Variants in AFF2 observed in about 807,000 individuals in gnomAD.
AFF2 encodes the protein ALF transcription elongation factor 2, also known as AF4/FMR2 family member 2.
Under a neutral mutation model 76.9 loss-of-function variants are expected in AFF2, and 14 were observed. The observed-to-expected ratio is 0.18, with a 90% CI of 0.12 to 0.28. AFF2 has a LOEUF of 0.28. Ranked by LOEUF, AFF2 falls within the 10% of genes least tolerant of loss-of-function variation. The probability of loss-of-function intolerance (pLI) is 1.00; values close to 1 mark genes in which losing one functional copy is unlikely to be tolerated. For missense variants in AFF2, 868 were observed against 1,001.1 expected (o/e 0.87, Z 1.79); for synonymous variants, 398 against 366.7 (o/e 1.09, Z -0.98).
chrX:148,678,755 A>C (rs1364106469), intron 3 of AFF2, among the ~76,000 whole-genome samples: 1 of 111,758 alleles, frequency 8.9e-6, no homozygotes, highest in Non-Finnish European at 1.9e-5. Flanking sequence ...TAACTTCTAT[A>C]TTTTGACTTA....
chrX:148,663,840 T>G (rs2124470734), intron 3 of AFF2, among the ~76,000 whole-genome samples: 1 of 112,199 alleles, frequency 8.9e-6, no homozygotes, highest in African/African-American at 3.2e-5. Flanking sequence ...CTTCCTTTAT[T>G]TATCCTCAGC....
intron 1 of AFF2, among the ~76,000 whole-genome samples, chrX:148,597,899 T>C (rs1354951658): frequency 8.9e-6 from 1 of 112,222 alleles, no homozygotes; most frequent in African/African-American, 3.2e-5. Context: ...TCATAGGAAA[T>C]GGCTCGCTGC....
chrX:148,896,690 G>C (rs1283838065), intron 8 of AFF2, among the ~76,000 whole-genome samples: 1 of 111,221 alleles, frequency 9.0e-6, no homozygotes, highest in Non-Finnish European at 1.9e-5. Flanking sequence ...AGTGTTTCCT[G>C]AGAGGCTCCC....
chrX:148,508,810 C>T, intron 1 of AFF2, among the ~76,000 whole-genome samples: 1 of 111,407 alleles, frequency 9.0e-6, no homozygotes, highest in East Asian at 2.8e-4. Flanking sequence ...TTATTTGCTG[C>T]CAAAGTGCTT....
chrX:148,744,224 C>T (rs1452905534), intron 3 of AFF2, among the ~76,000 whole-genome samples: 2 of 111,263 alleles, frequency 1.8e-5, no homozygotes, highest in African/African-American at 6.5e-5. Context: ...AGTCTCAGCA[C>T]GGTTAAGTAG....
intron 7 of AFF2, among the ~76,000 whole-genome samples, chrX:148,850,084 A>G (rs1454134686): frequency 8.9e-6 from 1 of 111,858 alleles, no homozygotes; most frequent in Non-Finnish European, 1.9e-5. Context: ...TTGTGTCACC[A>G]GGACTCTAGA....
At chrX:148,908,395 A>G (rs1049962424) in intron 9 of AFF2, among the ~76,000 whole-genome samples, 5 of 112,133 alleles carry the variant, frequency 4.5e-5, no homozygotes, top group Non-Finnish European at 9.4e-5. Flanking sequence ...TAATTTGGGG[A>G]ACAAATAAAT....
At chrX:148,538,604 A>T (rs1328310930) in intron 1 of AFF2, among the ~76,000 whole-genome samples, 10 of 112,802 alleles carry the variant, frequency 8.9e-5, no homozygotes, top group African/African-American at 2.3e-4. Context: ...ATTTTGATTT[A>T]TCAAAAACAG....
intron 3 of AFF2, among the ~76,000 whole-genome samples, chrX:148,792,868 A>C (rs782443647): frequency 1.8e-5 from 2 of 111,863 alleles, no homozygotes; most frequent in East Asian, 5.6e-4. Flanking sequence ...AAGACAGGAA[A>C]TTTCCTACAC....
At position 148,987,481 on chromosome X, in the gene AFF2, C is replaced by T. The variant is rs1569558059; in HGVS notation, c.3738C>T (p.His1246=). Residue 1246 remains histidine, a synonymous_variant, in exon 20 of 21, where the codon CAC becomes CAT. Coordinates refer to ENST00000370460, the MANE Select transcript of AFF2 (RefSeq NM_002025.4). ...GCATTCACCACATGGCTGCCAGCCA[C>T]GTCAACATCACTAGCAATGTGTTAC... is the stretch of plus-strand genomic sequence containing the variant. ...PQRIHHMAAS[H]VNITSNVLRG... 24 of 1,208,654 alleles carry T rather than the reference C, an allele frequency of 2.0e-5. No homozygotes were observed. Among genetic ancestry groups the T allele is most frequent in the African/African-American group, 7.0e-5 (4 of 57,138 alleles).
intron 2 of AFF2, among the ~76,000 whole-genome samples, chrX:148,655,502 C>T (rs188183020): frequency 1.8e-3 from 202 of 111,369 alleles, no homozygotes; most frequent in African/African-American, 6.5e-3. Context: ...TCTCAAACTC[C>T]TGGCCTCAGG....
chrX:148,870,423 C>T (rs1238202001), intron 7 of AFF2, among the ~76,000 whole-genome samples: 1 of 112,498 alleles, frequency 8.9e-6, no homozygotes, highest in Non-Finnish European at 1.9e-5. Context: ...TTGTAAGCAG[C>T]TCTGCTCTGT....
intron 4 of AFF2, among the ~76,000 whole-genome samples, chrX:148,821,305 C>G (rs1163624309): frequency 9.0e-6 from 1 of 110,995 alleles, no homozygotes; most frequent in African/African-American, 3.3e-5. Flanking sequence ...TTCCTTTCTC[C>G]CCTGTTCTAA....
intron 1 of AFF2, among the ~76,000 whole-genome samples, chrX:148,648,625 C>T (rs1231448108): frequency 9.4e-6 from 1 of 106,254 alleles, no homozygotes; most frequent in Non-Finnish European, 1.9e-5. Flanking sequence ...AAGCTTCTCA[C>T]CATCATGCCT....
intron 3 of AFF2, among the ~76,000 whole-genome samples, chrX:148,793,079 T>C (rs1479153636): frequency 8.9e-6 from 1 of 111,919 alleles, no homozygotes; most frequent in Admixed American, 9.5e-5. Context: ...TTGCTAGCAT[T>C]ATATTTTCTC....
At chrX:148,799,666 G>T (rs1462904075) in intron 3 of AFF2, among the ~76,000 whole-genome samples, 14 of 112,281 alleles carry the variant, frequency 1.2e-4, no homozygotes, top group Non-Finnish European at 2.4e-4. Flanking sequence ...ACAGTTAATA[G>T]TGTCATTTAG....
chrX:148,639,710 T>C (rs1167492375), intron 1 of AFF2, among the ~76,000 whole-genome samples: 1 of 111,626 alleles, frequency 9.0e-6, no homozygotes, highest in Non-Finnish European at 1.9e-5. Context: ...GTAAATCCAG[T>C]GGATCCACAC....
At chrX:148,725,214 T>C (rs1350065989) in intron 3 of AFF2, among the ~76,000 whole-genome samples, 1 of 110,647 alleles carries the variant, frequency 9.0e-6, no homozygotes, top group Non-Finnish European at 1.9e-5. Context: ...CCAAAAGCCC[T>C]ACCCCCACAG....
intron 1 of AFF2, among the ~76,000 whole-genome samples, chrX:148,587,324 GAATGACC>G (rs2053478485): frequency 8.9e-6 from 1 of 112,014 alleles, no homozygotes; most frequent in African/African-American, 3.2e-5. Flanking sequence ...CTCCAAAATT[GAATGACC>G]AATGGGAAAT....
Sources: allele counts gnomAD v4.1 joint callset (sites outside exome capture counted in the v4.1 genomes callset), GRCh38; gene constraint gnomAD v4.1.1; transcripts MANE v1.5; gene names NCBI Gene and HGNC (gene_info 2026-07-23, HGNC 2026-07-21).